The following PDE1C variants were observed in gnomAD, a reference collection of about 807,000 sequenced individuals.
The protein encoded by PDE1C is phosphodiesterase 1C, also known as dual specificity calcium/calmodulin-dependent 3',5'-cyclic nucleotide phosphodiesterase 1C.
A neutral mutation model predicts 93.1 loss-of-function variants in PDE1C; 62 were observed. The ratio of observed to expected loss-of-function variants is 0.67; its 90% CI spans 0.54 to 0.82. PDE1C has a LOEUF of 0.82. Among genes scored for constraint, PDE1C ranks in the 40% least tolerant of loss-of-function variants. The probability of loss-of-function intolerance (pLI) is 0.00; values close to 1 mark genes in which losing one functional copy is unlikely to be tolerated. For missense variants in PDE1C, 742 were observed against 884.6 expected (o/e 0.84, Z 2.04); for synonymous variants, 325 against 310.1 (o/e 1.05, Z -0.50).
intron 16 of PDE1C, among the ~76,000 whole-genome samples, chr7:31,804,516 T>C (rs1268802980): frequency 6.6e-6 from 1 of 151,834 alleles, no homozygotes; most frequent in African/African-American, 2.4e-5. Context: ...AAACCTCAGA[T>C]AGTGCTGAAA....
At chr7:32,010,170 G>A (rs1786883870) in intron 2 of PDE1C, among the ~76,000 whole-genome samples, 2 of 152,094 alleles carry the variant, frequency 1.3e-5, no homozygotes, top group South Asian at 4.1e-4. Context: ...ATATGGAAAT[G>A]CCAAAGGCCT....
intron 1 of PDE1C, among the ~76,000 whole-genome samples, chr7:32,380,323 C>T (rs1025146263): frequency 9.9e-5 from 15 of 151,868 alleles, no homozygotes; most frequent in African/African-American, 2.7e-4. Flanking sequence ...CTGAAAACTC[C>T]GCCTCCCAGG....
intron 12 of PDE1C, among the ~76,000 whole-genome samples, chr7:31,825,638 A>G (rs561128703): frequency 5.1e-4 from 78 of 152,296 alleles, no homozygotes; most frequent in Middle Eastern, 6.8e-3. Flanking sequence ...GAAGGAAGAA[A>G]GCAGGAAGGG....
chr7:31,897,124 A>G (rs1451781909), intron 2 of PDE1C, among the ~76,000 whole-genome samples: 1 of 152,080 alleles, frequency 6.6e-6, no homozygotes, highest in Non-Finnish European at 1.5e-5. Context: ...AAGGTCTTGT[A>G]TTTTTCTTGT....
At chr7:32,271,483 C>T (rs377460985) in intron 1 of PDE1C, among the ~76,000 whole-genome samples, 9 of 152,204 alleles carry the variant, frequency 5.9e-5, no homozygotes, top group Admixed American at 3.3e-4. Context: ...AACCCAGGAA[C>T]ACGATCATAT....
chr7:31,764,425 A>G (rs1403437666), intron 17 of PDE1C, among the ~76,000 whole-genome samples: 1 of 152,138 alleles, frequency 6.6e-6, no homozygotes. Context: ...GATTACAGAC[A>G]TGAGCCACCC....
chr7:32,121,878 C>A (rs984792891), intron 3 of PDE1C, among the ~76,000 whole-genome samples: 1 of 152,172 alleles, frequency 6.6e-6, no homozygotes. Context: ...ATAATACTAA[C>A]CTTAAATATA....
intron 7 of PDE1C, among the ~76,000 whole-genome samples, chr7:31,851,876 A>G (rs1230310089): frequency 6.6e-6 from 1 of 152,172 alleles, no homozygotes; most frequent in Non-Finnish European, 1.5e-5. Context: ...AAAGTTAGAG[A>G]GCTTCTGCAC....
At chr7:32,131,866 A>G (rs980842842) in intron 3 of PDE1C, among the ~76,000 whole-genome samples, 1 of 152,170 alleles carries the variant, frequency 6.6e-6, no homozygotes, top group African/African-American at 2.4e-5. Context: ...AACTTCATGG[A>G]GTTTATAGTT....
chr7:31,913,408 G>GA (rs34028267), intron 2 of PDE1C, among the ~76,000 whole-genome samples: 17,394 of 148,166 alleles, frequency 0.12, 1,190 homozygotes, highest in Admixed American at 0.22. Flanking sequence ...GAATCAAGGT[G>GA]AAAAAAAAAA....
intron 9 of PDE1C, among the ~76,000 whole-genome samples, chr7:31,841,209 G>GTCTCTCTC (rs377551907): frequency 0.044 from 6,129 of 140,076 alleles, 167 homozygotes; most frequent in Middle Eastern, 0.11. Flanking sequence ...CCCTCTCTCT[G>GTCTCTCTC]TCTCTCTCTC....
chr7:31,794,657 A>C lies in PDE1C; in HGVS notation c.1891+14374T>G, dbSNP rs556928437. Among the ~76,000 whole-genome samples the C allele has an allele frequency of 9.9e-5, 15 of 152,136 alleles. No individual in the cohort carries two copies. In the South Asian group the frequency reaches 3.1e-3, roughly 31 times the overall value. The stretch of plus-strand genomic sequence containing the variant: ...ATGCCTGGCCCACTTTTAGCAGACA[A>C]GTAAAAGTCAGGCATCAGTAACTCC... On this transcript the variant is annotated intron_variant, in intron 16 of 17. Coordinates refer to ENST00000396191, the MANE Select transcript of PDE1C (RefSeq NM_001191057.4).
intron 3 of PDE1C, among the ~76,000 whole-genome samples, chr7:32,161,759 G>C (rs551813241): frequency 6.6e-6 from 1 of 152,170 alleles, no homozygotes; most frequent in African/African-American, 2.4e-5. Context: ...GCTCCAGAAA[G>C]AGTGTCCCGC....
At chr7:31,641,817 G>A in the PDE1C span, among the ~76,000 whole-genome samples, 1 of 152,114 alleles carries the variant, frequency 6.6e-6, no homozygotes, top group Admixed American at 6.5e-5. Context: ...ATAAAATGTG[G>A]TCTTTCATTA....
chr7:32,188,209 G>T (rs1804006971), intron 2 of PDE1C, among the ~76,000 whole-genome samples: 1 of 4,800 alleles, frequency 2.1e-4, no homozygotes, highest in South Asian at 9.4e-3. Flanking sequence ...TAGTATATAT[G>T]AAATTGGGGG....
intron 1 of PDE1C, among the ~76,000 whole-genome samples, chr7:32,396,620 T>C (rs1784845016): frequency 6.6e-6 from 1 of 152,102 alleles, no homozygotes; most frequent in Non-Finnish European, 1.5e-5. Flanking sequence ...GATGGATAAG[T>C]ATGTGACAAA....
intron 16 of PDE1C, chr7:31,785,490 G>T (rs1377607103): frequency 1.3e-5 from 2 of 152,092 alleles, no homozygotes; most frequent in African/African-American, 4.8e-5. Context: ...ACTAGGGTGG[G>T]TATTTAAGAA....
chr7:31,787,080 C>T (rs747601275), intron 16 of PDE1C: 21 of 152,120 alleles, frequency 1.4e-4, no homozygotes, highest in Non-Finnish European at 2.6e-4. Context: ...TGGTCTTCAA[C>T]TTTTGGATTA....
upstream of PDE1C, among the ~76,000 whole-genome samples, chr7:32,299,879 A>G (rs1812839754): frequency 6.6e-6 from 1 of 152,214 alleles, no homozygotes; most frequent in African/African-American, 2.4e-5. Context: ...CACACAGAAG[A>G]GTCCACGGTA....
Sources: allele counts gnomAD v4.1 joint callset (sites outside exome capture counted in the v4.1 genomes callset), GRCh38; gene constraint gnomAD v4.1.1; transcripts MANE v1.5; gene names NCBI Gene and HGNC (gene_info 2026-07-23, HGNC 2026-07-21).